Variants in IKZF5 observed in about 807,000 individuals in gnomAD.
IKZF5 encodes the protein IKAROS family zinc finger 5, also known as zinc finger protein Pegasus.
A neutral mutation model predicts 30.7 loss-of-function variants in IKZF5; 4 were observed. That is an observed-to-expected ratio of 0.13 (90% CI 0.06 to 0.30). The LOEUF (loss-of-function observed/expected upper bound fraction) is 0.30, where lower values mean the gene tolerates loss of function less well. Among genes scored for constraint, IKZF5 ranks in the 10% least tolerant of loss-of-function variants. IKZF5 has a pLI of 1.00. For missense variants in IKZF5, 348 were observed against 525.5 expected, an observed-to-expected ratio of 0.66 and a Z score of 3.30; for synonymous variants, 148 against 179.6, an observed-to-expected ratio of 0.82 and a Z score of 1.41.
chr10:122,995,537 G>A (rs558733863), intron 4 of IKZF5, among the ~76,000 whole-genome samples: 190 of 151,956 alleles, frequency 1.3e-3, no homozygotes, highest in African/African-American at 4.4e-3. Flanking sequence ...CTGGTCTTGG[G>A]CAGAGGGCAG....
chr10:122,995,060 G>A (rs575175118), intron 4 of IKZF5: 1 of 215,838 alleles, frequency 4.6e-6, no homozygotes, highest in African/African-American at 2.3e-5. Flanking sequence ...TTTATCAAAA[G>A]TATGTCTCAG....
chr10:122,992,526 C>T lies in IKZF5; in HGVS notation c.*1254G>A, dbSNP rs1849198808. On this transcript the variant is annotated 3_prime_UTR_variant, in exon 5 of 5. Transcript: ENST00000368886. ...TTACACAATATAAAAACAATAGCCT[C>T]CTATTCAAAATGAATTACTCTATAT... The T allele has an allele frequency of 6.6e-6, 1 of 152,116 alleles. No homozygotes were observed. Among genetic ancestry groups the T allele is most frequent in the South Asian group, 2.1e-4 (1 of 4,826 alleles). 9.4% of individuals were successfully genotyped at this position (152,116 alleles called of 1,614,324 possible).
chr10:123,005,360 C>G (rs1006321228), intron 2 of IKZF5, among the ~76,000 whole-genome samples: 1 of 152,172 alleles, frequency 6.6e-6, no homozygotes, highest in Non-Finnish European at 1.5e-5. Context: ...AGAAAATCCA[C>G]AAGCTATAAT....
At chr10:122,998,412 T>G (rs1849464010) in intron 3 of IKZF5, 81 bp downstream of exon 3, 1 of 1,170,742 alleles carries the variant, frequency 8.5e-7, no homozygotes, top group Non-Finnish European at 1.2e-6. Flanking sequence ...TAATGCGCAG[T>G]GGTCTTCACA....
intron 4 of IKZF5, among the ~76,000 whole-genome samples, 190 bp downstream of exon 4, chr10:122,995,804 A>G (rs1468763235): frequency 1.3e-5 from 2 of 152,244 alleles, no homozygotes; most frequent in African/African-American, 4.8e-5. Flanking sequence ...TACAAAGGGC[A>G]TCACTTCTGA....
In IKZF5 at chr10:122,991,769, AAAT is replaced by A. The variant is rs1341688715; in HGVS notation, c.*2008_*2010del. ...ACATTCTAGTATGTAATTATGAAAA[AAAT>A]CTTTTCCATGTTTAAATTAAAATGC... On this transcript the variant is annotated 3_prime_UTR_variant, in exon 5 of 5. Transcript: ENST00000368886. 1 of 152,208 alleles carries A rather than the reference AAAT, an allele frequency of 6.6e-6. No individual in the cohort carries two copies. Among genetic ancestry groups the A allele is most frequent in the Non-Finnish European group, 1.5e-5 (1 of 68,020 alleles). 9.4% of individuals were successfully genotyped at this position (152,208 alleles called of 1,614,324 possible). A position where few individuals can be genotyped will look rare whatever the true frequency, so the allele number is the denominator to read the frequency against.
chr10:122,998,080 G>A (rs1328835927), intron 3 of IKZF5: 1 of 153,002 alleles, frequency 6.5e-6, no homozygotes. Context: ...TCTTGGATAG[G>A]TAAACATGGT....
intron 2 of IKZF5, among the ~76,000 whole-genome samples, chr10:123,006,188 G>C (rs1849774334): frequency 6.6e-6 from 1 of 152,178 alleles, no homozygotes; most frequent in Non-Finnish European, 1.5e-5. Flanking sequence ...AGGGGGAAAA[G>C]AGGTATAAGA....
intron 2 of IKZF5, among the ~76,000 whole-genome samples, chr10:123,004,560 A>G (rs1204665341): frequency 6.6e-6 from 1 of 151,946 alleles, no homozygotes; most frequent in Non-Finnish European, 1.5e-5. Context: ...ACATTGTCAC[A>G]TTATAAACTT....
rs1468904922 is a variant in IKZF5, at chr10:122,994,761, T to C, written c.317-38A>G. ...AAAAATGATGGAGAAACTACAAGAG[T>C]AGTTCATTTATGGAAAGTTTTGCTT... On this transcript the variant is annotated intron_variant, in intron 4 of 4. Coordinates refer to ENST00000368886, the MANE Select transcript of IKZF5 (RefSeq NM_001372123.1). This position sits in a 1 kb window ranked among gnomAD's most constrained non-coding sequence, Gnocchi z 5.6. The C allele has an allele frequency of 6.7e-7, 1 of 1,490,324 alleles. No individual in the cohort carries two copies. Among genetic ancestry groups the C allele is most frequent in the African/African-American group, 1.4e-5 (1 of 70,912 alleles). The allele number at this position is 1,490,324 out of a possible 1,614,324, so 92.3% of individuals were successfully genotyped here.
intron 1 of IKZF5, among the ~76,000 whole-genome samples, chr10:123,007,642 T>A (rs1303345829): frequency 2.6e-5 from 4 of 152,112 alleles, no homozygotes; most frequent in African/African-American, 9.7e-5. Context: ...CTGAATCCCA[T>A]CCTTCTTATC....
chr10:123,000,748 G>A (rs553473376), intron 2 of IKZF5, among the ~76,000 whole-genome samples: 2 of 152,258 alleles, frequency 1.3e-5, no homozygotes, highest in South Asian at 2.1e-4. Flanking sequence ...CGTTTTAGCC[G>A]TTCTGGTGGG....
intron 2 of IKZF5, among the ~76,000 whole-genome samples, chr10:123,005,468 A>G (rs1849746494): frequency 6.6e-6 from 1 of 152,248 alleles, no homozygotes; most frequent in Non-Finnish European, 1.5e-5. Context: ...TCAATGTATG[A>G]TATCATGTCA....
At position 122,991,934 on chromosome 10, in the gene IKZF5, T is replaced by G. The variant is rs1034352181; in HGVS notation, c.*1846A>C. 2.6e-5 allele frequency: 4 copies of G among 152,194 alleles called. No homozygotes were observed. The highest frequency in any genetic ancestry group is 5.9e-5 in the Non-Finnish European group (4 of 68,024). The allele number at this position is 152,194 out of a possible 1,614,324, so 9.4% of individuals were successfully genotyped here. A position where few individuals can be genotyped will look rare whatever the true frequency, so the allele number is the denominator to read the frequency against. ...TTTCTATTTTGGGGTACTGCTTTTA[T>G]CTGAAGAATAAAAATGGGAAAAAAT... On this transcript the variant is annotated 3_prime_UTR_variant, in exon 5 of 5. Transcript: ENST00000368886.
chr10:123,001,065 A>G (rs1238394558), intron 2 of IKZF5, among the ~76,000 whole-genome samples: 5 of 149,522 alleles, frequency 3.3e-5, no homozygotes, highest in Non-Finnish European at 4.4e-5. Context: ...GCTGGGGTGC[A>G]GTGCCGTGAT....
At chr10:123,007,238 A>C (rs531237385) in intron 1 of IKZF5, 62 bp from the exon 2 acceptor site, 16 of 152,350 alleles carry the variant, frequency 1.1e-4, no homozygotes, top group East Asian at 7.7e-4. Context: ...CTTAATTAGC[A>C]TCTACAGGTT....
At chr10:122,998,398 ACAT>A in intron 3 of IKZF5, 92 bp downstream of exon 3, 1 of 1,041,826 alleles carries the variant, frequency 9.6e-7, no homozygotes. Context: ...AGAATGATTC[ACAT>A]TAATGCGCAG....
intron 2 of IKZF5, among the ~76,000 whole-genome samples, chr10:123,001,740 A>C (rs1270287337): frequency 1.3e-5 from 2 of 152,144 alleles, no homozygotes; most frequent in Non-Finnish European, 2.9e-5. Context: ...TCTTGCTATC[A>C]CAGTAATTTA....
intron 3 of IKZF5, chr10:122,998,238 T>G (rs566405828): frequency 1.3e-5 from 4 of 314,468 alleles, no homozygotes; most frequent in Non-Finnish European, 2.3e-5. Flanking sequence ...TGGTAGCTCA[T>G]AAAAACTGGA....
Sources: gnomAD v4.1 joint callset for allele counts (sites outside exome capture counted in the v4.1 genomes callset) on GRCh38, gnomAD v4.1.1 for gene constraint, Gnocchi (gnomAD v3.1) non-coding constraint, MANE v1.5 for transcripts, NCBI Gene and HGNC (gene_info 2026-07-23, HGNC 2026-07-21) for gene names.